Variants in CNNM2 observed in about 807,000 individuals in gnomAD.
CNNM2 encodes cyclin and CBS domain divalent metal cation transport mediator 2.
A neutral mutation model predicts 66.9 loss-of-function variants in CNNM2; 12 were observed. The ratio of observed to expected loss-of-function variants is 0.18; its 90% CI spans 0.11 to 0.29. CNNM2 has a LOEUF of 0.29. CNNM2 is among the 10% of genes least tolerant of loss of function. The pLI, the probability that CNNM2 is intolerant of heterozygous loss-of-function variation, is 1.00. For missense variants in CNNM2, 705 were observed against 1,167.7 expected (o/e 0.60, Z 5.77); for synonymous variants, 557 against 501.8 (o/e 1.11, Z -1.47).
chr10:103,010,362 C>A (rs1018426990), intron 1 of CNNM2, among the ~76,000 whole-genome samples: 2 of 151,752 alleles, frequency 1.3e-5, no homozygotes, highest in African/African-American at 4.8e-5. Context: ...GTCAGCCTCC[C>A]AGATAGCTGG....
intron 1 of CNNM2, among the ~76,000 whole-genome samples, chr10:102,981,673 A>G (rs2063723057): frequency 6.6e-6 from 1 of 151,740 alleles, no homozygotes; most frequent in African/African-American, 2.4e-5. Context: ...GATTATAGGG[A>G]TACACCACCA....
intron 5 of CNNM2, among the ~76,000 whole-genome samples, chr10:103,071,495 G>T (rs769799552): frequency 1.9e-4 from 29 of 152,132 alleles, no homozygotes; most frequent in Non-Finnish European, 2.9e-4. Flanking sequence ...AGCAGGTTTC[G>T]AGCTATCAAC....
Position 103,054,244 on chromosome 10 carries a change from T to A in CNNM2, c.1766-85T>A. The stretch of plus-strand genomic sequence containing the variant: ...TGGAAATACAGTCCAGCTCTTCCAA[T>A]ATATTTTGTCTTTTTCATTCAAAAA... On this transcript the variant is annotated intron_variant, in intron 2 of 7. Coordinates refer to ENST00000369878, the MANE Select transcript of CNNM2 (RefSeq NM_017649.5). This position sits in a 1 kb window ranked among gnomAD's most constrained non-coding sequence, Gnocchi z 5.2. 6.9e-7 allele frequency: 1 copy of A among 1,446,206 alleles called. No homozygotes were observed. The highest frequency in any genetic ancestry group is 9.4e-7 in the Non-Finnish European group (1 of 1,059,806). 89.6% of individuals were successfully genotyped at this position (1,446,206 alleles called of 1,614,324 possible).
Position 103,083,557 on chromosome 10 carries a change from G to T in CNNM2, c.*6377G>T, listed in dbSNP as rs1408232890. 6.6e-6 allele frequency: 1 copy of T among 152,236 alleles called. No individual in the cohort carries two copies. Among genetic ancestry groups the T allele is most frequent in the Non-Finnish European group, 1.5e-5 (1 of 68,054 alleles). 9.4% of individuals were successfully genotyped at this position (152,236 alleles called of 1,614,324 possible). On this transcript the variant is annotated 3_prime_UTR_variant, in exon 8 of 8. Transcript: ENST00000369878. ...CATAGAAGAGCATCTTCTTTGGACAGTGTAAAGTCTTAAGAGAAGTGGGTA... is the reference window on the plus strand; with the variant it reads ...CATAGAAGAGCATCTTCTTTGGACATTGTAAAGTCTTAAGAGAAGTGGGTA...
chr10:103,004,532 A>G (rs2064188417), intron 1 of CNNM2, among the ~76,000 whole-genome samples: 1 of 152,190 alleles, frequency 6.6e-6, no homozygotes. Flanking sequence ...ATCTTGTTAA[A>G]AGGTAGATTC....
intron 1 of CNNM2, among the ~76,000 whole-genome samples, chr10:102,977,533 G>A (rs1195351520): frequency 6.6e-6 from 1 of 152,126 alleles, no homozygotes; most frequent in Non-Finnish European, 1.5e-5. Context: ...TAAAAATTGT[G>A]TTATTGGCTG....
intron 1 of CNNM2, among the ~76,000 whole-genome samples, chr10:102,959,621 A>C (rs10786729): frequency 1.3e-5 from 2 of 151,958 alleles, no homozygotes; most frequent in Non-Finnish European, 2.9e-5. Context: ...CTGTCACCCA[A>C]GCTGGGGTGC....
chr10:103,009,196 A>G (rs756644189), intron 1 of CNNM2, among the ~76,000 whole-genome samples: 12 of 152,292 alleles, frequency 7.9e-5, no homozygotes, highest in Admixed American at 1.3e-4. Context: ...GAAGCACTTG[A>G]ACCAGGAGGC....
chr10:103,027,993 A>C (rs1439472352), intron 1 of CNNM2, among the ~76,000 whole-genome samples: 1 of 152,182 alleles, frequency 6.6e-6, no homozygotes, highest in African/African-American at 2.4e-5. Context: ...ATACTTGTCT[A>C]ATTTTAAAGT....
chr10:103,035,868 G>T (rs747573119), intron 1 of CNNM2, among the ~76,000 whole-genome samples: 2 of 152,140 alleles, frequency 1.3e-5, no homozygotes, highest in Non-Finnish European at 2.9e-5. Flanking sequence ...AACAGTTTAG[G>T]TTTCTTTGTT....
intron 1 of CNNM2, among the ~76,000 whole-genome samples, chr10:102,991,713 G>A (rs960902698): frequency 2.0e-5 from 3 of 152,136 alleles, no homozygotes; most frequent in African/African-American, 7.2e-5. Flanking sequence ...CATTTGTACT[G>A]ATAAATTAAA....
At chr10:102,924,161 T>C (rs1448864313) in intron 1 of CNNM2, among the ~76,000 whole-genome samples, 1 of 152,136 alleles carries the variant, frequency 6.6e-6, no homozygotes, top group Admixed American at 6.5e-5. Context: ...TAGAGCAATG[T>C]AGTGTAGGGG....
rs1482708975 is a variant in CNNM2 at position 103,081,949 on chromosome 10, T to G, written c.*4769T>G. On this transcript the variant is annotated 3_prime_UTR_variant, in exon 8 of 8. Coordinates refer to ENST00000369878, the MANE Select transcript of CNNM2 (RefSeq NM_017649.5). ...CTCAAGTAAGCACGTTCTCTCTGTATGCTAGAGCTACTGACATCATCTCTA... is the reference window on the plus strand; with the variant it reads ...CTCAAGTAAGCACGTTCTCTCTGTAGGCTAGAGCTACTGACATCATCTCTA... The G allele has an allele frequency of 6.6e-6, 1 of 152,250 alleles. No individual in the cohort carries two copies. Among genetic ancestry groups the G allele is most frequent in the East Asian group, 1.9e-4 (1 of 5,204 alleles). The allele number at this position is 152,250 out of a possible 1,614,324, so 9.4% of individuals were successfully genotyped here. A position where few individuals can be genotyped will look rare whatever the true frequency, so the allele number is the denominator to read the frequency against.
chr10:102,971,400 G>A (rs2063545428), intron 1 of CNNM2, among the ~76,000 whole-genome samples: 2 of 152,096 alleles, frequency 1.3e-5, no homozygotes, highest in Admixed American at 6.6e-5. Context: ...AGATAATTTT[G>A]TTTATTGGTT....
intron 1 of CNNM2, among the ~76,000 whole-genome samples, chr10:103,010,260 CAG>C (rs980973943): frequency 2.7e-5 from 4 of 150,722 alleles, no homozygotes; most frequent in African/African-American, 9.8e-5. Context: ...CCCCTGGAGA[CAG>C]AGTTTCACCC....
At chr10:103,004,544 G>C (rs2064188700) in intron 1 of CNNM2, among the ~76,000 whole-genome samples, 1 of 152,204 alleles carries the variant, frequency 6.6e-6, no homozygotes, top group Non-Finnish European at 1.5e-5. Flanking sequence ...GGTAGATTCT[G>C]CTTCAGTAGT....
At chr10:102,960,062 A>T (rs991815796) in intron 1 of CNNM2, among the ~76,000 whole-genome samples, 3 of 151,616 alleles carry the variant, frequency 2.0e-5, no homozygotes, top group Admixed American at 6.6e-5. Context: ...AAAAAAATAA[A>T]AAATAAATAA....
chr10:103,072,562 T>C (rs2065606755), intron 6 of CNNM2, among the ~76,000 whole-genome samples: 1 of 152,032 alleles, frequency 6.6e-6, no homozygotes, highest in South Asian at 2.1e-4. Flanking sequence ...GACTTTGTTT[T>C]GGAGTGAACA....
At chr10:102,943,343 G>T (rs1846495321) in intron 1 of CNNM2, among the ~76,000 whole-genome samples, 1 of 152,056 alleles carries the variant, frequency 6.6e-6, no homozygotes, top group African/African-American at 2.4e-5. Flanking sequence ...CGGGAGGATG[G>T]CTTAAGCCCA....
Sources: allele counts gnomAD v4.1 joint callset (sites outside exome capture counted in the v4.1 genomes callset), GRCh38; gene constraint gnomAD v4.1.1; non-coding constraint Gnocchi (gnomAD v3.1); transcripts MANE v1.5; gene names NCBI Gene and HGNC (gene_info 2026-07-23, HGNC 2026-07-21).